Variants in MRPL38 observed in about 807,000 individuals in gnomAD.
The protein encoded by MRPL38 is mitochondrial ribosomal protein L38.
A neutral mutation model predicts 52.1 loss-of-function variants in MRPL38; 51 were observed. The observed-to-expected ratio is 0.98, with a 90% CI of 0.78 to 1.24. The LOEUF is 1.24. Ranked by LOEUF, MRPL38 falls within the 50% of genes most tolerant of loss-of-function variation. The probability of loss-of-function intolerance (pLI) is 0.00; values close to 1 mark genes in which losing one functional copy is unlikely to be tolerated. For missense variants in MRPL38, 527 were observed against 518.6 expected (o/e 1.02, Z -0.16); for synonymous variants, 245 against 212.7 (o/e 1.15, Z -1.32).
rs998488545 is a variant in MRPL38 at position 75,899,457 on chromosome 17, A to T, written c.869+59T>A. ...TGAGGTCAAGAGAGAACTGAGCAAG[A>T]GTGACCGTTCCAGGGGAGCTGGCCT... On this transcript the variant is annotated intron_variant, in intron 7 of 8. Transcript: ENST00000309352. The T allele has an allele frequency of 3.6e-5, 55 of 1,537,160 alleles. 3 individuals carry two copies. In the South Asian group the frequency reaches 6.5e-4, roughly 18 times the overall value.
chr17:75,904,184 G>A (rs893408382), intron 2 of MRPL38: 1 of 500,980 alleles, frequency 2.0e-6, no homozygotes, highest in African/African-American at 2.0e-5. Flanking sequence ...TCTGGGGAGA[G>A]GCAGCGCACA....
intron 6 of MRPL38, 51 bp from the exon 7 acceptor site, chr17:75,899,725 G>A: frequency 6.8e-7 from 1 of 1,473,056 alleles, no homozygotes; most frequent in Non-Finnish European, 9.1e-7. Flanking sequence ...GGCAGCAGGA[G>A]TGTCCCCTCA....
In MRPL38 at chr17:75,904,613, C is replaced by G; in HGVS notation, c.174G>C (p.Arg58=). The change falls in exon 2 of 9, where the codon CGG becomes CGC. Residue 58 remains arginine (R), a synonymous_variant. Coordinates refer to ENST00000309352, the MANE Select transcript of MRPL38 (RefSeq NM_032478.4). Reference sequence around the variant, plus strand: ...CCTGCGCCTCCTGCTCTGCTCGGCGCCGGTAGCGGTCGAAGCTCCGGTACT... The same window carrying G: ...CCTGCGCCTCCTGCTCTGCTCGGCGGCGGTAGCGGTCGAAGCTCCGGTACT... ...LEKYRSFDRY[R]RRAEQEAQAP... 1.3e-6 allele frequency: 2 copies of G among 1,593,518 alleles called. No homozygotes were observed. The highest frequency in any genetic ancestry group is 1.7e-6 in the Non-Finnish European group (2 of 1,177,104).
At position 75,899,574 on chromosome 17, in the gene MRPL38, G is replaced by C; in HGVS notation, c.811C>G (p.Leu271Val). The C allele has an allele frequency of 6.2e-7, 1 of 1,608,198 alleles. No homozygotes were observed. The highest frequency in any genetic ancestry group is 8.5e-7 in the Non-Finnish European group (1 of 1,176,586). ...ATCGGCTGGTCCTGCTTGAAGAGCAGGAAGGCAAGACGGTGGATGCCGGAG... is the reference window on the plus strand; with the variant it reads ...ATCGGCTGGTCCTGCTTGAAGAGCACGAAGGCAAGACGGTGGATGCCGGAG... ...RGSGIHRLAF[L>V]LFKQDQPIDF... is the part of the protein sequence containing the mutation. The change falls in exon 7 of 9, where the codon CTG (leucine) becomes GTG (valine). Residue 271 changes from leucine (L) to valine (V), a missense_variant. Leu to Val is a conservative substitution (Grantham distance 32). Coordinates refer to ENST00000309352, the MANE Select transcript of MRPL38 (RefSeq NM_032478.4).
Position 75,898,885 on chromosome 17 carries a change from T to C in MRPL38, c.1108A>G (p.Arg370Gly). The change falls in exon 9 of 9, where the codon AGG becomes GGG. Residue 370 changes from arginine to glycine, a missense_variant. Transcript: ENST00000309352. The stretch of plus-strand genomic sequence containing the variant: ...CCATAGGTGGGCTCATGACTGTCCC[T>C]GTACCGGTCCAGGTAGCGCAGGGGC... ...RQPLRYLDRY[R>G]DSHEPTYGIY 18 of 1,611,836 alleles carry C rather than the reference T, an allele frequency of 1.1e-5. No homozygotes were observed. Among genetic ancestry groups the C allele is most frequent in the Non-Finnish European group, 1.5e-5 (18 of 1,179,456 alleles).
In MRPL38 at chr17:75,901,392, C is replaced by G. The variant is rs2065403870; in HGVS notation, c.592-119G>C. On this transcript the variant is annotated intron_variant, in intron 4 of 8. Transcript: ENST00000309352. The surrounding 1 kb of genome is among the most constrained non-coding windows in gnomAD (Gnocchi z 5.7). ...AGCCCTTGACAACCCCTGGCACAGG[C>G]AGGCAGGCAAAGGGATGCGTAGAGA... 12 of 1,005,074 alleles carry G rather than the reference C, an allele frequency of 1.2e-5. No homozygotes were observed. Among genetic ancestry groups the G allele is most frequent in the Non-Finnish European group, 1.8e-5 (12 of 659,980 alleles). The allele number at this position is 1,005,074 out of a possible 1,614,324, so 62.3% of individuals were successfully genotyped here. A position where few individuals can be genotyped will look rare whatever the true frequency, so the allele number is the denominator to read the frequency against.
chr17:75,900,976 A>T lies in MRPL38; in HGVS notation c.710+6T>A, dbSNP rs1220022003. The T allele has an allele frequency of 6.2e-7, 1 of 1,611,612 alleles. No homozygotes were observed. The highest frequency in any genetic ancestry group is 8.5e-7 in the Non-Finnish European group (1 of 1,179,140). ...CACCCCCTACCCCCAGTACTCCAGT[A>T]CTCACAGCAGCCAGTGGAGGTACTC... On this transcript the variant is annotated splice_donor_region_variant and intron_variant, in intron 6 of 8. Coordinates refer to ENST00000309352, the MANE Select transcript of MRPL38 (RefSeq NM_032478.4).
At chr17:75,900,897 G>A in intron 6 of MRPL38, 85 bp downstream of exon 6, 3 of 1,521,850 alleles carry the variant, frequency 2.0e-6, no homozygotes, top group Non-Finnish European at 2.6e-6. Context: ...GGTAGTCCAT[G>A]AAACTCAGGA....
Position 75,904,625 on chromosome 17 carries a change from G to C in MRPL38, c.162C>G (p.Phe54Leu). The C allele has an allele frequency of 6.3e-7, 1 of 1,594,726 alleles. No homozygotes were observed. The highest frequency in any genetic ancestry group is 1.1e-5 in the South Asian group (1 of 89,870). ...NLERLEKYRS[F>L]DRYRRRAEQE... Reference sequence around the variant, plus strand: ...GCTCTGCTCGGCGCCGGTAGCGGTCGAAGCTCCGGTACTTCTCCAGCCGCT... The same window carrying C: ...GCTCTGCTCGGCGCCGGTAGCGGTCCAAGCTCCGGTACTTCTCCAGCCGCT... Residue 54 changes from phenylalanine to leucine, a missense_variant, in exon 2 of 9, where the codon TTC (phenylalanine) becomes TTG (leucine). Coordinates refer to ENST00000309352, the MANE Select transcript of MRPL38 (RefSeq NM_032478.4).
chr17:75,904,345 T>A (rs1247339532), intron 2 of MRPL38, 195 bp downstream of exon 2: 2 of 724,598 alleles, frequency 2.8e-6, no homozygotes, highest in Non-Finnish European at 5.1e-6. Flanking sequence ...TTTCCAAGAA[T>A]GAGGTGCAGA....
Position 75,901,313 on chromosome 17 carries a change from C to T in MRPL38, c.592-40G>A, listed in dbSNP as rs1360961174. Reference sequence around the variant, plus strand: ...AGGAAGCTGTCAGCCCCACCAGGGACAGGCCAGCTGTTGCAGGGAGCCTTG... The same window carrying T: ...AGGAAGCTGTCAGCCCCACCAGGGATAGGCCAGCTGTTGCAGGGAGCCTTG... On this transcript the variant is annotated intron_variant, in intron 4 of 8. Coordinates refer to ENST00000309352, the MANE Select transcript of MRPL38 (RefSeq NM_032478.4). The surrounding 1 kb of genome is among the most constrained non-coding windows in gnomAD (Gnocchi z 5.7). 1.9e-6 allele frequency: 3 copies of T among 1,599,412 alleles called. No homozygotes were observed. The highest frequency in any genetic ancestry group is 3.3e-4 in the Middle Eastern group (2 of 6,032).
Position 75,898,738 on chromosome 17 carries a change from A to AGG in MRPL38, c.*110_*111dup. 2 of 1,358,428 alleles carry AGG rather than the reference A, an allele frequency of 1.5e-6. No individual in the cohort carries two copies. The highest frequency in any genetic ancestry group is 2.5e-5 in the East Asian group (1 of 40,180). The allele number at this position is 1,358,428 out of a possible 1,614,324, so 84.1% of individuals were successfully genotyped here. On this transcript the variant is annotated 3_prime_UTR_variant, in exon 9 of 9. Coordinates refer to ENST00000309352, the MANE Select transcript of MRPL38 (RefSeq NM_032478.4). ...TGGGCCTGACGGGAGGGGGCCAAAG[A>AGG]GGGGGGCTGCCTAAGGCAGGGCCCA... is the stretch of plus-strand genomic sequence containing the variant.
In MRPL38 at chr17:75,903,723, CT is replaced by C. The variant is rs745406432; in HGVS notation, c.247+816del. On this transcript the variant is annotated intron_variant, in intron 2 of 8. Transcript: ENST00000309352. ...TTGTAAGTTCCTTAAAGGTTGGGGT[CT>C]TTTTTTTTTTTTCTTTTTGAGACGG... Among the ~76,000 whole-genome samples, 433 of 143,826 alleles carry C rather than the reference CT, an allele frequency of 3.0e-3. No homozygotes were observed. In the Middle Eastern group the frequency reaches 0.04, roughly 13 times the overall value. The allele number at this position is 143,826 out of a possible 152,430, so 94.4% of individuals were successfully genotyped here. A position where few individuals can be genotyped will look rare whatever the true frequency, so the allele number is the denominator to read the frequency against.
chr17:75,904,301 A>C (rs1325677547), intron 2 of MRPL38: 2 of 686,448 alleles, frequency 2.9e-6, no homozygotes, highest in Non-Finnish European at 5.5e-6. Flanking sequence ...CAAATATTTT[A>C]GGAGCTGGAA....
Position 75,901,304 on chromosome 17 carries a change from C to T in MRPL38, c.592-31G>A, listed in dbSNP as rs1436482667. On this transcript the variant is annotated intron_variant, in intron 4 of 8. Coordinates refer to ENST00000309352, the MANE Select transcript of MRPL38 (RefSeq NM_032478.4). The surrounding 1 kb of genome is among the most constrained non-coding windows in gnomAD (Gnocchi z 5.7). ...AGGGTGAGAAGGAAGCTGTCAGCCC[C>T]ACCAGGGACAGGCCAGCTGTTGCAG... The T allele has an allele frequency of 6.2e-7, 1 of 1,607,214 alleles. No individual in the cohort carries two copies. Among genetic ancestry groups the T allele is most frequent in the Non-Finnish European group, 8.5e-7 (1 of 1,176,346 alleles).
chr17:75,899,282 G>C lies in MRPL38; in HGVS notation c.882C>G (p.Ala294=), dbSNP rs1268521458. ...DARPSPCYQL[A]QRTFRTFDFY... ...AATCAAAAGTGCGGAAGGTCCGCTG[G>C]GCCAGCTGATAGCTATGAGAAGATA... The change falls in exon 8 of 9, where the codon GCC becomes GCG. Residue 294 remains alanine, a synonymous_variant. Coordinates refer to ENST00000309352, the MANE Select transcript of MRPL38 (RefSeq NM_032478.4). The C allele has an allele frequency of 3.1e-6, 5 of 1,612,736 alleles. No homozygotes were observed. Among genetic ancestry groups the C allele is most frequent in the Non-Finnish European group, 4.2e-6 (5 of 1,179,610 alleles).
chr17:75,899,435 G>C (rs1216136160), intron 7 of MRPL38, 81 bp downstream of exon 7: 1 of 1,515,422 alleles, frequency 6.6e-7, no homozygotes, highest in African/African-American at 1.4e-5. Context: ...TCAAGGCTGA[G>C]GTCAAGAGAG....
Position 75,904,808 on chromosome 17 carries a change from C to G in MRPL38, c.67+1G>C. 6.6e-7 allele frequency: 1 copy of G among 1,524,278 alleles called. No homozygotes were observed. The highest frequency in any genetic ancestry group is 8.8e-7 in the Non-Finnish European group (1 of 1,142,118). The allele number at this position is 1,524,278 out of a possible 1,614,324, so 94.4% of individuals were successfully genotyped here. On this transcript the variant is annotated splice_donor_variant, in intron 1 of 8. Transcript: ENST00000309352. LOFTEE classifies it high-confidence loss of function. ...CCCCCGCAGAGCTGCCCACCCCTCA[C>G]CCGAGGTGCTGAAGCCCCGCCATCT...
At chr17:75,900,685 T>C in intron 6 of MRPL38, 3 of 1,052,162 alleles carry the variant, frequency 2.9e-6, no homozygotes, top group Non-Finnish European at 2.4e-6. Flanking sequence ...TGCACCACTG[T>C]ACTCCAGCCT....
Sources: gnomAD v4.1 joint callset for allele counts (sites outside exome capture counted in the v4.1 genomes callset) on GRCh38, gnomAD v4.1.1 for gene constraint, Gnocchi (gnomAD v3.1) non-coding constraint, MANE v1.5 for transcripts, NCBI Gene and HGNC (gene_info 2026-07-23, HGNC 2026-07-21) for gene names.